The following GNAQ variants were observed in gnomAD, a reference collection of about 807,000 sequenced individuals.
GNAQ encodes the protein guanine nucleotide-binding protein G(q) subunit alpha.
GNAQ carries 8 observed loss-of-function variants against 43.9 expected under a neutral mutation model. The observed-to-expected ratio is 0.18, with a 90% CI of 0.11 to 0.33. GNAQ has a LOEUF of 0.33. GNAQ is among the 10% of genes least tolerant of loss of function. The pLI is 1.00. For missense variants in GNAQ, 158 were observed against 450.8 expected (o/e 0.35, Z 5.88); for synonymous variants, 155 against 170.7 (o/e 0.91, Z 0.71).
At chr9:77,892,956 GA>G (rs1272909920) in intron 2 of GNAQ, among the ~76,000 whole-genome samples, 1 of 152,150 alleles carries the variant, frequency 6.6e-6, no homozygotes, top group African/African-American at 2.4e-5. Flanking sequence ...TAGTAGGTAA[GA>G]TAACTCTATC....
intron 1 of GNAQ, among the ~76,000 whole-genome samples, chr9:78,014,927 C>T (rs1022164337): frequency 3.9e-5 from 6 of 152,228 alleles, no homozygotes; most frequent in African/African-American, 1.2e-4. Context: ...CTACTGACAT[C>T]GTAGTTATCA....
At chr9:77,879,838 T>A (rs115669434) in intron 2 of GNAQ, among the ~76,000 whole-genome samples, 1,785 of 152,328 alleles carry the variant, frequency 0.012, 24 homozygotes, top group African/African-American at 0.04. Context: ...ACCAGTTCAC[T>A]AAGGTTAAAA....
intron 1 of GNAQ, chr9:78,030,443 G>C: frequency 2.2e-6 from 1 of 458,892 alleles, no homozygotes; most frequent in South Asian, 1.6e-5. Flanking sequence ...TGACACATTT[G>C]GGCTTGCCCT....
At chr9:77,785,263 A>G (rs190753000) in intron 5 of GNAQ, among the ~76,000 whole-genome samples, 2 of 152,326 alleles carry the variant, frequency 1.3e-5, no homozygotes, top group Admixed American at 6.5e-5. Context: ...AGAGTCAGAG[A>G]TAGGAGTTGT....
At chr9:78,011,245 T>G (rs1410529759) in intron 1 of GNAQ, among the ~76,000 whole-genome samples, 1 of 152,090 alleles carries the variant, frequency 6.6e-6, no homozygotes, top group Non-Finnish European at 1.5e-5. Flanking sequence ...CAGCTAAAAA[T>G]AGAATATATA....
chr9:77,786,961 T>A (rs1030556355), intron 5 of GNAQ, among the ~76,000 whole-genome samples: 19 of 152,232 alleles, frequency 1.2e-4, no homozygotes, highest in African/African-American at 4.6e-4. Flanking sequence ...AATGGGTAAG[T>A]AAATTGTGGA....
chr9:77,754,973 G>C (rs549347862), intron 5 of GNAQ, among the ~76,000 whole-genome samples: 33 of 152,254 alleles, frequency 2.2e-4, no homozygotes, highest in African/African-American at 7.7e-4. Flanking sequence ...AGATGTGGAA[G>C]CAACTTAAGT....
intron 1 of GNAQ, among the ~76,000 whole-genome samples, chr9:77,980,134 A>C (rs1264924172): frequency 2.0e-5 from 3 of 152,184 alleles, no homozygotes; most frequent in Admixed American, 6.5e-5. Context: ...TCAAGCCTTG[A>C]AAGAGTTACT....
At chr9:77,766,245 TTA>T (rs1281321194) in intron 5 of GNAQ, among the ~76,000 whole-genome samples, 2 of 152,214 alleles carry the variant, frequency 1.3e-5, no homozygotes, top group African/African-American at 2.4e-5. Flanking sequence ...TAAAAATTTT[TTA>T]TCAGTGTGAA....
At chr9:77,867,105 A>C (rs1187498833) in intron 2 of GNAQ, among the ~76,000 whole-genome samples, 1 of 152,010 alleles carries the variant, frequency 6.6e-6, no homozygotes, top group Non-Finnish European at 1.5e-5. Flanking sequence ...CCTACCCTTC[A>C]CTTTAAGAAG....
chr9:77,763,841 T>C (rs1331104585), intron 5 of GNAQ, among the ~76,000 whole-genome samples: 1 of 152,200 alleles, frequency 6.6e-6, no homozygotes, highest in Non-Finnish European at 1.5e-5. Flanking sequence ...AGTCTGTAAA[T>C]GATTAGCATG....
chr9:77,856,384 T>A (rs993685050), intron 2 of GNAQ, among the ~76,000 whole-genome samples: 2 of 152,174 alleles, frequency 1.3e-5, no homozygotes, highest in African/African-American at 4.8e-5. Flanking sequence ...AAAATATATA[T>A]ATATTTCTAT....
chr9:77,801,324 A>T (rs1299947393), intron 3 of GNAQ, among the ~76,000 whole-genome samples: 1 of 152,218 alleles, frequency 6.6e-6, no homozygotes, highest in Non-Finnish European at 1.5e-5. Context: ...TGAATATCCA[A>T]GACACTCATA....
At chr9:77,990,397 T>A (rs1396270431) in intron 1 of GNAQ, among the ~76,000 whole-genome samples, 1 of 152,228 alleles carries the variant, frequency 6.6e-6, no homozygotes, top group Non-Finnish European at 1.5e-5. Flanking sequence ...TTTTTAAAAA[T>A]TTTTTTGTAG....
chr9:77,899,900 A>T (rs2118151092), intron 2 of GNAQ, among the ~76,000 whole-genome samples: 1 of 152,360 alleles, frequency 6.6e-6, no homozygotes, highest in Non-Finnish European at 1.5e-5. Flanking sequence ...CTGCCGCCTC[A>T]AAAGCTTGCA....
chr9:77,838,830 C>A (rs918799259), intron 2 of GNAQ, among the ~76,000 whole-genome samples: 4 of 151,978 alleles, frequency 2.6e-5, no homozygotes, highest in Non-Finnish European at 5.9e-5. Context: ...AAAAAGAGAA[C>A]CCTAACAGTT....
intron 5 of GNAQ, among the ~76,000 whole-genome samples, chr9:77,775,419 T>C (rs1826292021): frequency 6.8e-6 from 1 of 146,534 alleles, no homozygotes; most frequent in African/African-American, 2.5e-5. Context: ...CTTTTTTTTT[T>C]TTTTTTTTGA....
chr9:77,824,479 A>G (rs1178174059), intron 2 of GNAQ, among the ~76,000 whole-genome samples: 2 of 152,210 alleles, frequency 1.3e-5, no homozygotes, highest in Non-Finnish European at 1.5e-5. Context: ...GAAACTCATA[A>G]ATAGATTATT....
At chr9:77,818,317 T>C (rs548879859) in intron 2 of GNAQ, among the ~76,000 whole-genome samples, 3 of 152,310 alleles carry the variant, frequency 2.0e-5, no homozygotes, top group East Asian at 3.9e-4. Flanking sequence ...TTTGCATTTA[T>C]GTAAGAGCTT....
Sources: allele counts gnomAD v4.1 joint callset (sites outside exome capture counted in the v4.1 genomes callset), GRCh38; gene constraint gnomAD v4.1.1; transcripts MANE v1.5; gene names NCBI Gene and HGNC (gene_info 2026-07-23, HGNC 2026-07-21).